The following PRKCB variants were observed in gnomAD, a reference collection of about 807,000 sequenced individuals.
The protein encoded by PRKCB is protein kinase C beta type.
PRKCB carries 13 observed loss-of-function variants against 81.5 expected under a neutral mutation model. The observed-to-expected ratio is 0.16, with a 90% CI of 0.10 to 0.25. The LOEUF (loss-of-function observed/expected upper bound fraction) is 0.25, where lower values mean the gene tolerates loss of function less well. Among genes scored for constraint, PRKCB ranks in the 10% least tolerant of loss-of-function variants. The pLI is 1.00. For synonymous variants in PRKCB, 335 were observed against 321.4 expected (o/e 1.04, Z -0.45); for missense variants, 509 against 875.7 (o/e 0.58, Z 5.29).
chr16:24,133,897 A>AT (rs1436229836), intron 9 of PRKCB, among the ~76,000 whole-genome samples: 11 of 137,656 alleles, frequency 8.0e-5, no homozygotes, highest in South Asian at 2.4e-4. Context: ...CCCTAGTTTA[A>AT]ATTTTTTTTT....
intron 5 of PRKCB, among the ~76,000 whole-genome samples, chr16:24,091,130 C>T (rs1966371431): frequency 6.6e-6 from 1 of 152,092 alleles, no homozygotes; most frequent in Non-Finnish European, 1.5e-5. Context: ...ATATCTTTGT[C>T]TTATTCCTTA....
chr16:24,021,538 C>T (rs996850295), intron 3 of PRKCB, among the ~76,000 whole-genome samples: 7 of 151,196 alleles, frequency 4.6e-5, no homozygotes, highest in African/African-American at 1.2e-4. Flanking sequence ...TGTCACTGGC[C>T]GGTGCTGAAT....
At chr16:23,938,199 T>A (rs1196623615) in intron 2 of PRKCB, among the ~76,000 whole-genome samples, 1 of 152,190 alleles carries the variant, frequency 6.6e-6, no homozygotes, top group Admixed American at 6.6e-5. Context: ...AATAACCCAG[T>A]ACTTAAGACA....
intron 8 of PRKCB, among the ~76,000 whole-genome samples, chr16:24,119,318 C>T (rs1301257864): frequency 6.6e-6 from 1 of 151,930 alleles, no homozygotes; most frequent in Non-Finnish European, 1.5e-5. Flanking sequence ...CCTTGAAGGA[C>T]AAGGAAAAAA....
chr16:24,127,222 T>C (rs1304202132), intron 9 of PRKCB, among the ~76,000 whole-genome samples: 1 of 151,720 alleles, frequency 6.6e-6, no homozygotes, highest in East Asian at 1.9e-4. Flanking sequence ...GTCAGGCTGG[T>C]CTTGAACTCC....
Position 24,218,076 on chromosome 16 carries a change from A to G in PRKCB, c.*3260A>G, listed in dbSNP as rs1968259716. 1 of 985,046 alleles carries G rather than the reference A, an allele frequency of 1.0e-6. No homozygotes were observed. The highest frequency in any genetic ancestry group is 1.1e-4 in the East Asian group (1 of 8,822). The allele number at this position is 985,046 out of a possible 1,614,324, so 61.0% of individuals were successfully genotyped here. ...CTACTGTGTGCCAGGCACTATTCTT[A>G]GCACTGGAAATACACTAGTGAAGAA... On this transcript the variant is annotated 3_prime_UTR_variant, in exon 17 of 17. Coordinates refer to ENST00000643927, the MANE Select transcript of PRKCB (RefSeq NM_002738.7).
intron 2 of PRKCB, among the ~76,000 whole-genome samples, chr16:23,965,449 A>G (rs1374974800): frequency 2.0e-5 from 3 of 152,218 alleles, no homozygotes; most frequent in Non-Finnish European, 4.4e-5. Context: ...TTACTCTTGA[A>G]TCTGGAGCAG....
intron 3 of PRKCB, among the ~76,000 whole-genome samples, chr16:24,002,176 G>A (rs1965043384): frequency 6.6e-6 from 1 of 152,104 alleles, no homozygotes; most frequent in African/African-American, 2.4e-5. Context: ...AGCATTGACT[G>A]AGGGCTGGCA....
chr16:24,109,024 C>CG (rs1966626674), intron 7 of PRKCB, among the ~76,000 whole-genome samples: 2 of 122,470 alleles, frequency 1.6e-5, no homozygotes, highest in South Asian at 2.3e-4. Flanking sequence ...GCTGGCCGGG[C>CG]GGGGGGCTGA....
intron 5 of PRKCB, among the ~76,000 whole-genome samples, chr16:24,089,198 T>G (rs1458985601): frequency 6.6e-6 from 1 of 152,210 alleles, no homozygotes; most frequent in African/African-American, 2.4e-5. Flanking sequence ...AATGTGTGTC[T>G]TATAGACTGG....
At chr16:24,040,415 C>T (rs916237147) in intron 5 of PRKCB, among the ~76,000 whole-genome samples, 15 of 152,208 alleles carry the variant, frequency 9.9e-5, no homozygotes, top group South Asian at 8.3e-4. Flanking sequence ...CTCTCGATCT[C>T]GGTTCATTTT....
chr16:23,876,621 T>C (rs1290016186), intron 2 of PRKCB, among the ~76,000 whole-genome samples: 1 of 152,166 alleles, frequency 6.6e-6, no homozygotes, highest in Non-Finnish European at 1.5e-5. Flanking sequence ...TCTGCGTTTC[T>C]CTTTCTCCAG....
intron 9 of PRKCB, among the ~76,000 whole-genome samples, chr16:24,147,181 G>C (rs1376688918): frequency 6.6e-6 from 1 of 151,860 alleles, no homozygotes; most frequent in African/African-American, 2.4e-5. Context: ...CGTGGCGGGC[G>C]CCTGTAGTCC....
Position 23,866,287 on chromosome 16 carries a change from G to A in PRKCB, c.205+28881G>A, listed in dbSNP as rs139196551. 4.6e-5 allele frequency among the ~76,000 whole-genome samples: 7 copies of A among 152,266 alleles called. No homozygotes were observed. The East Asian group carries it at 1.4e-3, about 29-fold the overall frequency. ...TATGGCCATGTTTATCCCCATACAC[G>A]TATCTTCTGCTGATTCTGGAGTCAG... On this transcript the variant is annotated intron_variant, in intron 2 of 16. Transcript: ENST00000643927.
At chr16:23,874,397 C>T (rs1330129764) in intron 2 of PRKCB, among the ~76,000 whole-genome samples, 1 of 152,126 alleles carries the variant, frequency 6.6e-6, no homozygotes, top group Non-Finnish European at 1.5e-5. Flanking sequence ...ATTCAAATTC[C>T]TACAGGGGCC....
intron 5 of PRKCB, among the ~76,000 whole-genome samples, chr16:24,083,778 A>G (rs1444290991): frequency 6.6e-6 from 1 of 152,210 alleles, no homozygotes; most frequent in Non-Finnish European, 1.5e-5. Context: ...GAATCTATAC[A>G]TGCATTAAAA....
chr16:23,844,622 C>G (rs915597082), intron 2 of PRKCB, among the ~76,000 whole-genome samples: 16 of 152,020 alleles, frequency 1.1e-4, no homozygotes, highest in African/African-American at 3.1e-4. Context: ...ATTCTCCTGC[C>G]TCAGCCTCCC....
chr16:24,023,211 G>C (rs921620072), intron 3 of PRKCB, among the ~76,000 whole-genome samples: 19 of 152,180 alleles, frequency 1.2e-4, no homozygotes, highest in African/African-American at 4.1e-4. Context: ...ACTGCTCCCA[G>C]CCAGGAAGCT....
intron 2 of PRKCB, among the ~76,000 whole-genome samples, chr16:23,887,546 T>C (rs1197779542): frequency 6.6e-6 from 1 of 152,226 alleles, no homozygotes; most frequent in African/African-American, 2.4e-5. Context: ...TTTATGGCTG[T>C]GTAGTATTCC....
Sources: gnomAD v4.1 joint callset for allele counts (sites outside exome capture counted in the v4.1 genomes callset) on GRCh38, gnomAD v4.1.1 for gene constraint, MANE v1.5 for transcripts, NCBI Gene and HGNC (gene_info 2026-07-23, HGNC 2026-07-21) for gene names.